PTPRG: variants seen among roughly 807,000 people sequenced by gnomAD.
The protein encoded by PTPRG is protein tyrosine phosphatase receptor type G, also known as receptor-type tyrosine-protein phosphatase gamma.
Under a neutral mutation model 165.3 loss-of-function variants are expected in PTPRG, and 102 were observed. The observed-to-expected ratio is 0.62, with a 90% CI of 0.53 to 0.73. The LOEUF is 0.73. PTPRG is among the 30% of genes least tolerant of loss of function. The probability of loss-of-function intolerance (pLI) is 0.00; values close to 1 mark genes in which losing one functional copy is unlikely to be tolerated. For synonymous variants in PTPRG, 675 were observed against 669.5 expected (o/e 1.01, Z -0.13); for missense variants, 1,866 against 1,861.4 (o/e 1.00, Z -0.05).
chr3:62,235,819 G>A (rs1332172478), intron 14 of PTPRG, among the ~76,000 whole-genome samples: 4 of 152,060 alleles, frequency 2.6e-5, no homozygotes, highest in Admixed American at 2.6e-4. Context: ...ATCCATCACT[G>A]CATGATTTTG....
chr3:61,970,486 A>T (rs745877042), intron 2 of PTPRG, among the ~76,000 whole-genome samples: 1 of 152,220 alleles, frequency 6.6e-6, no homozygotes, highest in Non-Finnish European at 1.5e-5. Context: ...TGCAAATTAT[A>T]AGTAATACTT....
chr3:61,978,414 A>T (rs1446654304), intron 2 of PTPRG, among the ~76,000 whole-genome samples: 2 of 152,202 alleles, frequency 1.3e-5, no homozygotes, highest in Non-Finnish European at 2.9e-5. Flanking sequence ...TTTATTTTAA[A>T]CATTTAAATC....
intron 4 of PTPRG, among the ~76,000 whole-genome samples, chr3:62,039,712 T>G (rs1023518626): frequency 6.6e-6 from 1 of 152,170 alleles, no homozygotes; most frequent in Non-Finnish European, 1.5e-5. Context: ...TTGGGGTGAT[T>G]AGCGATGTAG....
At chr3:61,705,389 T>C (rs1472889345) in intron 1 of PTPRG, among the ~76,000 whole-genome samples, 3 of 152,174 alleles carry the variant, frequency 2.0e-5, no homozygotes, top group Non-Finnish European at 4.4e-5. Context: ...CTCCATTATT[T>C]GCTCAAGGCT....
At chr3:61,917,447 G>C (rs2038968316) in intron 2 of PTPRG, among the ~76,000 whole-genome samples, 1 of 152,026 alleles carries the variant, frequency 6.6e-6, no homozygotes, top group Admixed American at 6.6e-5. Context: ...CAGGTTCTTT[G>C]CGTGTTGCTA....
intron 5 of PTPRG, among the ~76,000 whole-genome samples, chr3:62,093,749 C>G (rs1353922392): frequency 1.3e-5 from 2 of 152,146 alleles, no homozygotes; most frequent in East Asian, 3.9e-4. Context: ...CGGGCTGTTG[C>G]CTGGGAAGAT....
chr3:62,056,917 G>C (rs1700653691), intron 4 of PTPRG, among the ~76,000 whole-genome samples: 1 of 152,220 alleles, frequency 6.6e-6, no homozygotes, highest in Non-Finnish European at 1.5e-5. Context: ...GACACGAGAA[G>C]GAGGTCCACA....
At chr3:61,825,822 T>TTGC (rs2036091738) in intron 2 of PTPRG, among the ~76,000 whole-genome samples, 1 of 151,938 alleles carries the variant, frequency 6.6e-6, no homozygotes, top group Non-Finnish European at 1.5e-5. Context: ...CTTTTTGTTG[T>TTGC]TGTTGTTTGG....
intron 2 of PTPRG, among the ~76,000 whole-genome samples, chr3:61,956,794 T>C (rs2040043885): frequency 6.6e-6 from 1 of 152,234 alleles, no homozygotes; most frequent in African/African-American, 2.4e-5. Context: ...GGAAAGGTTA[T>C]GTGACATGCA....
At chr3:62,182,419 A>G (rs991105792) in intron 8 of PTPRG, among the ~76,000 whole-genome samples, 1 of 152,252 alleles carries the variant, frequency 6.6e-6, no homozygotes, top group African/African-American at 2.4e-5. Context: ...ATTAGTGAAC[A>G]TAAAAGTGGA....
At chr3:62,236,721 C>T (rs1701041128) in intron 14 of PTPRG, among the ~76,000 whole-genome samples, 1 of 152,158 alleles carries the variant, frequency 6.6e-6, no homozygotes, top group Admixed American at 6.5e-5. Flanking sequence ...TTCCTATATA[C>T]CAACAATCAG....
intron 2 of PTPRG, among the ~76,000 whole-genome samples, chr3:61,916,718 C>CAT (rs2038946559): frequency 6.6e-6 from 1 of 152,094 alleles, no homozygotes; most frequent in Non-Finnish European, 1.5e-5. Context: ...ATCCTCATAA[C>CAT]AGTCATGTAG....
At position 62,282,863 on chromosome 3, in the gene PTPRG, A is replaced by T. The variant is rs760439915; in HGVS notation, c.4049A>T (p.His1350Leu). 5 of 1,606,656 alleles carry T rather than the reference A, an allele frequency of 3.1e-6. No homozygotes were observed. The highest frequency in any genetic ancestry group is 4.3e-6 in the Non-Finnish European group (5 of 1,175,796). ...ALTRDGPTIV[H>L]DEYGAVSAGM... Reference sequence around the variant, plus strand: ...ACAAGGGATGGTCCCACCATTGTTCATGATGAGTATGTATCTGTTTCTTAA... The same window carrying T: ...ACAAGGGATGGTCCCACCATTGTTCTTGATGAGTATGTATCTGTTTCTTAA... Residue 1350 changes from histidine (H) to leucine (L), a missense_variant, in exon 28 of 30, where the codon CAT (histidine) becomes CTT (leucine). By Grantham distance (99) the His-to-Leu change is moderately conservative. Around this residue, in one of 3 missense-constraint regions of PTPRG, gnomAD observed 1,452 missense variants for 1,463.0 expected, o/e 0.99. Transcript: ENST00000474889.
chr3:61,618,858 T>G (rs1701372780), intron 1 of PTPRG, among the ~76,000 whole-genome samples: 1 of 151,704 alleles, frequency 6.6e-6, no homozygotes, highest in Non-Finnish European at 1.5e-5. Flanking sequence ...ATTAGTACCT[T>G]AGGCTGGGCT....
intron 8 of PTPRG, among the ~76,000 whole-genome samples, chr3:62,171,227 C>G (rs1348544259): frequency 6.6e-6 from 1 of 152,146 alleles, no homozygotes; most frequent in African/African-American, 2.4e-5. Context: ...CTTGAACCTG[C>G]CTTTTAATGA....
intron 5 of PTPRG, among the ~76,000 whole-genome samples, chr3:62,107,036 A>G (rs375867517): frequency 1.3e-5 from 2 of 152,314 alleles, no homozygotes; most frequent in African/African-American, 2.4e-5. Flanking sequence ...TTGATTTCCT[A>G]TTTTGAACCA....
chr3:61,679,267 A>G (rs1304516745), intron 1 of PTPRG, among the ~76,000 whole-genome samples: 1 of 152,184 alleles, frequency 6.6e-6, no homozygotes, highest in Non-Finnish European at 1.5e-5. Context: ...CCAACTGCGC[A>G]TTGGGTTCAT....
chr3:61,857,531 A>G (rs1249192239), intron 2 of PTPRG, among the ~76,000 whole-genome samples: 1 of 152,190 alleles, frequency 6.6e-6, no homozygotes, highest in East Asian at 1.9e-4. Flanking sequence ...CAGCGTATTG[A>G]CAGTGATGAT....
At chr3:62,291,488 C>T (rs1028371329) in intron 28 of PTPRG, among the ~76,000 whole-genome samples, 2 of 151,570 alleles carry the variant, frequency 1.3e-5, no homozygotes, top group Non-Finnish European at 2.9e-5. Context: ...TGTATCTACA[C>T]GTGTAATAAT....
Sources: allele counts gnomAD v4.1 joint callset (sites outside exome capture counted in the v4.1 genomes callset), GRCh38; gene constraint gnomAD v4.1.1; regional missense constraint gnomAD v4.1.1; transcripts MANE v1.5; gene names NCBI Gene and HGNC (gene_info 2026-07-23, HGNC 2026-07-21).